Variants in SCGN observed in about 807,000 individuals in gnomAD.
SCGN encodes the protein secretagogin.
A neutral mutation model predicts 39.7 loss-of-function variants in SCGN; 30 were observed. The observed-to-expected ratio is 0.76, with a 90% CI of 0.57 to 1.03. The LOEUF (loss-of-function observed/expected upper bound fraction) is 1.03, where lower values mean the gene tolerates loss of function less well. SCGN is among the 50% of genes least tolerant of loss of function. The pLI, the probability that SCGN is intolerant of heterozygous loss-of-function variation, is 0.00. For synonymous variants in SCGN, 106 were observed against 114.1 expected (o/e 0.93, Z 0.45); for missense variants, 353 against 349.4 (o/e 1.01, Z -0.08).
intron 5 of SCGN, 86 bp from the exon 6 acceptor site, chr6:25,669,913 T>C: frequency 9.3e-7 from 1 of 1,075,456 alleles, no homozygotes; most frequent in South Asian, 1.3e-5. Flanking sequence ...AACAAGCAAC[T>C]CACAATTCTT....
chr6:25,697,548 T>C (rs1759854195), intron 10 of SCGN, among the ~76,000 whole-genome samples: 1 of 152,246 alleles, frequency 6.6e-6, no homozygotes, highest in Non-Finnish European at 1.5e-5. Context: ...ATATGAACTT[T>C]AATTATTTTA....
intron 1 of SCGN, 60 bp downstream of exon 1, chr6:25,652,545 T>C: frequency 6.6e-7 from 1 of 1,507,608 alleles, no homozygotes; most frequent in Non-Finnish European, 9.2e-7. Context: ...CTCAGCCCGC[T>C]GAAAGGACCT....
intron 6 of SCGN, among the ~76,000 whole-genome samples, chr6:25,670,564 T>G (rs4712952): frequency 6.6e-6 from 1 of 152,204 alleles, no homozygotes; most frequent in South Asian, 2.1e-4. Flanking sequence ...GTCAAGCCTC[T>G]CAACTTTATT....
At chr6:25,689,949 A>T (rs1164384903) in intron 9 of SCGN, among the ~76,000 whole-genome samples, 1 of 152,218 alleles carries the variant, frequency 6.6e-6, no homozygotes, top group Non-Finnish European at 1.5e-5. Flanking sequence ...TGAAAAGGGG[A>T]GAATATAAAA....
chr6:25,669,671 A>G, intron 5 of SCGN, 104 bp downstream of exon 5: 1 of 944,470 alleles, frequency 1.1e-6, no homozygotes, highest in Non-Finnish European at 1.7e-6. Flanking sequence ...GTATTTGAAT[A>G]TGTGACTCAA....
At chr6:25,689,033 A>G (rs1482614048) in intron 7 of SCGN, 139 bp from the exon 8 acceptor site, 4 of 567,924 alleles carry the variant, frequency 7.0e-6, no homozygotes, top group Non-Finnish European at 1.2e-5. Flanking sequence ...TGTTTCTGTG[A>G]TGTAGGAAGT....
chr6:25,701,122 T>C, intron 10 of SCGN, 85 bp from the exon 11 acceptor site: 1 of 1,471,160 alleles, frequency 6.8e-7, no homozygotes, highest in Non-Finnish European at 9.1e-7. Context: ...CAGGACACCC[T>C]AAGCTTAGGG....
chr6:25,696,966 T>C (rs539512166), intron 10 of SCGN, among the ~76,000 whole-genome samples: 1 of 152,308 alleles, frequency 6.6e-6, no homozygotes, highest in East Asian at 1.9e-4. Flanking sequence ...GAATGTTTTT[T>C]GTTAGATATA....
intron 1 of SCGN, 61 bp downstream of exon 1, chr6:25,652,546 G>A: frequency 6.6e-7 from 1 of 1,508,648 alleles, no homozygotes; most frequent in Non-Finnish European, 9.2e-7. Flanking sequence ...TCAGCCCGCT[G>A]AAAGGACCTG....
chr6:25,682,045 C>G (rs1247808100), intron 7 of SCGN, 39 bp downstream of exon 7: 1 of 1,446,430 alleles, frequency 6.9e-7, no homozygotes. Flanking sequence ...TTCAGAAATA[C>G]CTTACTAGGG....
intron 6 of SCGN, among the ~76,000 whole-genome samples, chr6:25,675,386 C>A (rs187150522): frequency 6.6e-6 from 1 of 152,210 alleles, no homozygotes; most frequent in African/African-American, 2.4e-5. Context: ...ATAATGGACA[C>A]CTGGGTTGCT....
intron 2 of SCGN, among the ~76,000 whole-genome samples, chr6:25,659,842 G>A (rs755979518): frequency 6.6e-6 from 1 of 152,138 alleles, no homozygotes; most frequent in Non-Finnish European, 1.5e-5. Flanking sequence ...ACAGAGCATG[G>A]GTTGTTCTGG....
intron 7 of SCGN, among the ~76,000 whole-genome samples, chr6:25,685,754 G>A (rs1561768587): frequency 6.6e-6 from 1 of 152,022 alleles, no homozygotes; most frequent in Non-Finnish European, 1.5e-5. Context: ...GTACCTTAAA[G>A]TTTACCCTTT....
At position 25,682,861 on chromosome 6, in the gene SCGN, C is replaced by T. The variant is rs950270555; in HGVS notation, c.527+855C>T. On this transcript the variant is annotated intron_variant, in intron 7 of 10. Coordinates refer to ENST00000377961, the MANE Select transcript of SCGN (RefSeq NM_006998.4). ...CAAAGTCACAAGAAGATGTTGGTTT[C>T]GTCTCTTAGTGGACATTAACCTGAG... Among the ~76,000 whole-genome samples the T allele has an allele frequency of 5.9e-5, 9 of 152,156 alleles. No individual in the cohort carries two copies. The East Asian group carries it at 1.3e-3, about 23-fold the overall frequency.
Position 25,669,566 on chromosome 6 carries a change from G to A in SCGN, c.392G>A (p.Arg131His), listed in dbSNP as rs34286843. 8.1e-4 allele frequency: 1,300 copies of A among 1,612,416 alleles called. 9 individuals are homozygous for A. In the African/African-American group the frequency reaches 0.014, roughly 18 times the overall value. The change falls in exon 5 of 11, where the codon CGC becomes CAC. Residue 131 changes from arginine (R) to histidine (H), a missense_variant and splice_region_variant. By Grantham distance (29) the Arg-to-His change is conservative (BLOSUM62 0). Transcript: ENST00000377961. ...GGCTTTATATCAGCTGCTGAGCTCC[G>A]CGTGAGTGTCACTGGGTGAAGGGTG... is the stretch of plus-strand genomic sequence containing the variant. ...SSGFISAAEL[R>H]NFLRDLFLHH...
intron 3 of SCGN, among the ~76,000 whole-genome samples, chr6:25,661,954 T>TAAAGC (rs2151377721): frequency 6.6e-6 from 1 of 152,318 alleles, no homozygotes; most frequent in South Asian, 2.1e-4. Context: ...TGATCTACTA[T>TAAAGC]TTGTCTCTTT....
At chr6:25,662,187 G>T (rs2151377749) in intron 3 of SCGN, among the ~76,000 whole-genome samples, 1 of 152,202 alleles carries the variant, frequency 6.6e-6, no homozygotes, top group South Asian at 2.1e-4. Context: ...CTGTGGGGAT[G>T]GTCTACAACT....
chr6:25,677,813 A>T (rs1561766374), intron 6 of SCGN, among the ~76,000 whole-genome samples: 1 of 152,232 alleles, frequency 6.6e-6, no homozygotes, highest in Non-Finnish European at 1.5e-5. Flanking sequence ...CAGGCATTAT[A>T]CTAAAATTCT....
intron 9 of SCGN, among the ~76,000 whole-genome samples, chr6:25,689,963 A>G (rs1378540079): frequency 1.3e-5 from 2 of 152,242 alleles, no homozygotes; most frequent in African/African-American, 2.4e-5. Context: ...TATAAAAATT[A>G]TAAGTACAAA....
Sources: allele counts gnomAD v4.1 joint callset (sites outside exome capture counted in the v4.1 genomes callset), GRCh38; gene constraint gnomAD v4.1.1; transcripts MANE v1.5; gene names NCBI Gene and HGNC (gene_info 2026-07-23, HGNC 2026-07-21).